The following CTBP2 variants were observed in gnomAD, a reference collection of about 807,000 sequenced individuals.
CTBP2 encodes C-terminal-binding protein 2.
CTBP2 carries 30 observed loss-of-function variants against 80.3 expected under a neutral mutation model. The observed-to-expected ratio is 0.37, with a 90% CI of 0.28 to 0.51. The LOEUF (loss-of-function observed/expected upper bound fraction) is 0.51, where lower values mean the gene tolerates loss of function less well. CTBP2 is among the 20% of genes least tolerant of loss of function. CTBP2 has a pLI of 0.93. For synonymous variants in CTBP2, 594 were observed against 587.4 expected (o/e 1.01, Z -0.16); for missense variants, 1,212 against 1,375.3 (o/e 0.88, Z 1.88).
chr10:125,142,999 C>T (rs1215299478), intron 1 of CTBP2, among the ~76,000 whole-genome samples: 24 of 152,194 alleles, frequency 1.6e-4, no homozygotes. Context: ...CCTCAGCACA[C>T]CCCCTTCAGC....
chr10:125,110,257 A>T (rs1012133199), intron 2 of CTBP2, among the ~76,000 whole-genome samples: 8 of 152,022 alleles, frequency 5.3e-5, no homozygotes, highest in African/African-American at 1.7e-4. Flanking sequence ...ATTTTTTTTT[A>T]AAAAGCAAGA....
intron 1 of CTBP2, among the ~76,000 whole-genome samples, chr10:125,135,093 G>A (rs1376982070): frequency 6.6e-6 from 1 of 152,098 alleles, no homozygotes; most frequent in South Asian, 2.1e-4. Flanking sequence ...GGCTAGAGGG[G>A]AGCCCCTTCT....
At chr10:125,133,566 G>C (rs571939247) in intron 1 of CTBP2, 1 of 152,398 alleles carries the variant, frequency 6.6e-6, no homozygotes, top group South Asian at 2.1e-4. Context: ...CACCTCTTCG[G>C]AGGGTGTCTG....
intron 1 of CTBP2, among the ~76,000 whole-genome samples, chr10:125,159,453 C>G (rs966842651): frequency 6.8e-6 from 1 of 146,088 alleles, no homozygotes; most frequent in Non-Finnish European, 1.5e-5. Context: ...CCAGGCCCCC[C>G]GCCCCGCCGC....
chr10:124,998,249 TC>T (rs1953924195), intron 3 of CTBP2, 79 bp from the exon 6 acceptor site: 1 of 1,495,212 alleles, frequency 6.7e-7, no homozygotes, highest in Non-Finnish European at 9.1e-7. Flanking sequence ...CAGCCCGCCC[TC>T]CTGAGACTCG....
At chr10:125,111,646 A>G in intron 1 of CTBP2, among the ~76,000 whole-genome samples, 1 of 152,238 alleles carries the variant, frequency 6.6e-6, no homozygotes, top group African/African-American at 2.4e-5. Context: ...CTAATGTTCA[A>G]TAAAATTGCA....
At chr10:125,001,835 T>C (rs913387178) in intron 3 of CTBP2, among the ~76,000 whole-genome samples, 2 of 152,140 alleles carry the variant, frequency 1.3e-5, no homozygotes, top group Non-Finnish European at 2.9e-5. Flanking sequence ...CAACTAAGAT[T>C]CTGACCCATA....
chr10:125,067,514 C>T (rs4021187), intron 2 of CTBP2, among the ~76,000 whole-genome samples: 65,566 of 152,022 alleles, frequency 0.43, 15,329 homozygotes, highest in East Asian at 0.65. Flanking sequence ...ACCTTCTAGA[C>T]GTTTCTGTAA....
At position 125,132,013 on chromosome 10, in the gene CTBP2, T is replaced by C. The variant is rs746303551; in HGVS notation, c.-205-20920A>G. Among the ~76,000 whole-genome samples, 234 of 152,286 alleles carry C rather than the reference T, an allele frequency of 1.5e-3. 3 individuals carry two copies. Among genetic ancestry groups the C allele is most frequent in the Non-Finnish European group, 3.2e-3 (218 of 68,024 alleles). Reference sequence around the variant, plus strand: ...TTCTGTCTCAGTCTTAGGTCAGGCTTATTTCGGAAGCATTATAGCACTCTG... The same window carrying C: ...TTCTGTCTCAGTCTTAGGTCAGGCTCATTTCGGAAGCATTATAGCACTCTG... On this transcript the variant is annotated intron_variant, in intron 1 of 10. Transcript: ENST00000337195.
At chr10:125,052,705 G>GT (rs1963061367) in intron 2 of CTBP2, among the ~76,000 whole-genome samples, 3 of 152,196 alleles carry the variant, frequency 2.0e-5, no homozygotes, top group Non-Finnish European at 4.4e-5. Context: ...CGGGCTTTGT[G>GT]TATCATAGTG....
At chr10:125,001,553 G>T (rs1459204102) in intron 3 of CTBP2, 3 of 152,234 alleles carry the variant, frequency 2.0e-5, no homozygotes, top group African/African-American at 7.2e-5. Flanking sequence ...GTGGCTGGTA[G>T]CAAGTGAGGG....
Position 125,027,614 on chromosome 10 carries a change from GT to G in CTBP2, c.145del (p.Thr49LeufsTer50). 6.2e-7 allele frequency: 1 copy of G among 1,614,038 alleles called. No homozygotes were observed. The highest frequency in any genetic ancestry group is 8.5e-7 in the Non-Finnish European group (1 of 1,180,026). On this transcript the variant is annotated frameshift_variant, in exon 1 of 9. Transcript: ENST00000309035. LOFTEE classifies it high-confidence loss of function. ...TGGTCGGTGGTTTGGCTCAAACCAA[GT>G]CCCCTCTGCTGTGCCATACGTCAGG...
intron 3 of CTBP2, among the ~76,000 whole-genome samples, chr10:125,038,578 G>T (rs1267380802): frequency 6.6e-6 from 1 of 152,132 alleles, no homozygotes; most frequent in Admixed American, 6.5e-5. Flanking sequence ...CACCACGAGG[G>T]GCAATGCTGG....
chr10:125,095,110 A>C (rs1849354741), intron 2 of CTBP2, among the ~76,000 whole-genome samples: 1 of 152,142 alleles, frequency 6.6e-6, no homozygotes, highest in Non-Finnish European at 1.5e-5. Context: ...GGATGACTGC[A>C]GCCCCATCTT....
intron 1 of CTBP2, among the ~76,000 whole-genome samples, chr10:125,138,847 G>C (rs765354902): frequency 1.4e-4 from 22 of 152,106 alleles, no homozygotes; most frequent in Non-Finnish European, 2.9e-4. Flanking sequence ...ACCTGTGCCC[G>C]TCCGTCTCTT....
chr10:125,152,083 G>C lies in CTBP2; in HGVS notation c.-206+8236C>G, dbSNP rs187894274. On this transcript the variant is annotated intron_variant, in intron 1 of 10. Transcript: ENST00000337195. Reference sequence around the variant, plus strand: ...GGGTGGGGCCGCCAAGTGCCCTGCGGGGGGAAGAGGGCACAGCTGGGGCGG... The same window carrying C: ...GGGTGGGGCCGCCAAGTGCCCTGCGCGGGGAAGAGGGCACAGCTGGGGCGG... Among the ~76,000 whole-genome samples the C allele has an allele frequency of 5.3e-5, 8 of 152,250 alleles. No homozygotes were observed. In the East Asian group the frequency reaches 1.4e-3, roughly 26 times the overall value.
At chr10:125,135,890 T>C (rs1856901304) in intron 1 of CTBP2, among the ~76,000 whole-genome samples, 1 of 152,298 alleles carries the variant, frequency 6.6e-6, no homozygotes, top group South Asian at 2.1e-4. Context: ...TTCTGCCCTC[T>C]GACCCTGCTC....
At chr10:125,097,372 C>A (rs1224771402) in intron 2 of CTBP2, among the ~76,000 whole-genome samples, 2 of 152,194 alleles carry the variant, frequency 1.3e-5, no homozygotes, top group Non-Finnish European at 2.9e-5. Context: ...GAGAAAGCAG[C>A]AGCACAGTCT....
chr10:124,998,372 C>A, intron 3 of CTBP2: 1 of 608,808 alleles, frequency 1.6e-6, no homozygotes, highest in South Asian at 2.0e-5. Flanking sequence ...CCAACATCTA[C>A]CCCTCCCTCC....
Sources: allele counts gnomAD v4.1 joint callset (sites outside exome capture counted in the v4.1 genomes callset), GRCh38; gene constraint gnomAD v4.1.1; transcripts MANE v1.5; gene names NCBI Gene and HGNC (gene_info 2026-07-23, HGNC 2026-07-21).